The following PLSCR4 variants were observed in gnomAD, a reference collection of about 807,000 sequenced individuals.
PLSCR4 encodes Ca(2+)-dependent phospholipid scramblase 4.
PLSCR4 carries 25 observed loss-of-function variants against 36.3 expected under a neutral mutation model. The observed-to-expected ratio is 0.69, with a 90% CI of 0.50 to 0.96. The LOEUF (loss-of-function observed/expected upper bound fraction) is 0.96. Among genes scored for constraint, PLSCR4 ranks in the 40% least tolerant of loss-of-function variants. PLSCR4 has a pLI of 0.00. For synonymous variants in PLSCR4, 122 were observed against 132.9 expected, an observed-to-expected ratio of 0.92 and a Z score of 0.56; for missense variants, 408 against 414.7, an observed-to-expected ratio of 0.98 and a Z score of 0.14.
intron 1 of PLSCR4, among the ~76,000 whole-genome samples, chr3:146,229,634 TTTATTTA>T (rs1170621807): frequency 0.018 from 2,619 of 147,826 alleles, 106 homozygotes; most frequent in African/African-American, 0.059. Flanking sequence ...TATTTATTTA[TTTATTTA>T]TGAGATGGAG....
chr3:146,195,274 G>T lies in PLSCR4; in HGVS notation c.795C>A (p.Ser265=), dbSNP rs34467190. 8,959 of 1,612,536 alleles carry T rather than the reference G, an allele frequency of 5.6e-3. 57 individuals carry two copies. The highest frequency in any genetic ancestry group is 0.02 in the Middle Eastern group (122 of 6,060). The change falls in exon 8 of 9, where the codon TCC becomes TCA. Residue 265 remains serine (S), a synonymous_variant. Transcript: ENST00000354952. ...TGCCGATGTTGGATATGCCATCAAG[G>T]GATTTGACCTGGAATGACAAGAATG... ...CGSDSVFEVK[S]LDGISNIGSI... is the part of the protein sequence containing the mutation.
chr3:146,208,394 C>G (rs1208643197), intron 3 of PLSCR4, among the ~76,000 whole-genome samples: 3 of 151,984 alleles, frequency 2.0e-5, no homozygotes, highest in Admixed American at 1.3e-4. Flanking sequence ...ACCAAAAACC[C>G]AAAAGCAAAT....
intron 4 of PLSCR4, among the ~76,000 whole-genome samples, chr3:146,205,078 A>T (rs1361191680): frequency 6.6e-6 from 1 of 152,050 alleles, no homozygotes; most frequent in Non-Finnish European, 1.5e-5. Context: ...AAGAGAAATG[A>T]CAGAACTCGA....
chr3:146,243,337 G>T (rs1405055015), intron 1 of PLSCR4, among the ~76,000 whole-genome samples: 1 of 151,786 alleles, frequency 6.6e-6, no homozygotes, highest in Non-Finnish European at 1.5e-5. Flanking sequence ...TCCTGACTAT[G>T]CTCCAAAACT....
chr3:146,200,952 A>T, intron 5 of PLSCR4, 83 bp downstream of exon 5: 1 of 855,644 alleles, frequency 1.2e-6, no homozygotes, highest in Non-Finnish European at 1.9e-6. Flanking sequence ...AACATGATCA[A>T]TATAAAGAAG....
chr3:146,212,649 G>A (rs572354277), intron 3 of PLSCR4, among the ~76,000 whole-genome samples: 24 of 152,068 alleles, frequency 1.6e-4, no homozygotes, highest in African/African-American at 5.5e-4. Context: ...ATAGGCTCAT[G>A]TCTTCTGCAA....
intron 1 of PLSCR4, among the ~76,000 whole-genome samples, chr3:146,244,511 A>G (rs1207708318): frequency 6.6e-6 from 1 of 152,050 alleles, no homozygotes; most frequent in Admixed American, 6.6e-5. Flanking sequence ...TTCTCACAAT[A>G]TTTCAGACTT....
intron 3 of PLSCR4, among the ~76,000 whole-genome samples, chr3:146,217,712 G>A (rs1192564547): frequency 6.6e-6 from 1 of 152,194 alleles, no homozygotes; most frequent in African/African-American, 2.4e-5. Context: ...GGCCTCCAGT[G>A]TATGGGAAGA....
intron 1 of PLSCR4, among the ~76,000 whole-genome samples, chr3:146,234,842 G>A (rs1011620662): frequency 1.3e-5 from 2 of 152,104 alleles, no homozygotes; most frequent in Non-Finnish European, 2.9e-5. Flanking sequence ...AGAGATGACT[G>A]CTCAGGTCTC....
chr3:146,218,059 G>C (rs1329126061), intron 3 of PLSCR4, among the ~76,000 whole-genome samples: 1 of 151,998 alleles, frequency 6.6e-6, no homozygotes, highest in Non-Finnish European at 1.5e-5. Context: ...CACAGTTTTT[G>C]ACAGAAACTG....
chr3:146,229,589 T>TTTATTC (rs1397021839), intron 1 of PLSCR4, among the ~76,000 whole-genome samples: 1 of 119,648 alleles, frequency 8.4e-6, no homozygotes, highest in South Asian at 2.7e-4. Context: ...TCATTTTATT[T>TTTATTC]TTCATTTATT....
intron 3 of PLSCR4, among the ~76,000 whole-genome samples, chr3:146,215,193 AAT>A (rs2034835348): frequency 6.6e-6 from 1 of 152,034 alleles, no homozygotes; most frequent in African/African-American, 2.4e-5. Flanking sequence ...AATTTTTGAA[AAT>A]ATAGTCAACT....
intron 4 of PLSCR4, among the ~76,000 whole-genome samples, chr3:146,202,287 T>G (rs895133125): frequency 1.1e-4 from 16 of 152,034 alleles, no homozygotes; most frequent in Admixed American, 3.9e-4. Flanking sequence ...CTGAAGATAC[T>G]ACAAGTTTGG....
chr3:146,221,029 A>G (rs1256543596), intron 2 of PLSCR4, 104 bp from the exon 3 acceptor site: 1 of 635,368 alleles, frequency 1.6e-6, no homozygotes, highest in Non-Finnish European at 2.7e-6. Flanking sequence ...AAATATAATC[A>G]ACTGGAAAAT....
chr3:146,225,745 G>C (rs1006001973), intron 1 of PLSCR4, among the ~76,000 whole-genome samples: 2 of 152,186 alleles, frequency 1.3e-5, no homozygotes, highest in Non-Finnish European at 2.9e-5. Context: ...CCGCCAAGCC[G>C]ACGCCCACCC....
intron 8 of PLSCR4, 98 bp downstream of exon 8, chr3:146,195,026 T>C (rs557259221): frequency 9.0e-6 from 9 of 995,874 alleles, no homozygotes; most frequent in East Asian, 5.1e-5. Flanking sequence ...CAGAGATAAG[T>C]TGGATTGGTT....
chr3:146,232,329 T>G (rs2035745065), intron 1 of PLSCR4, among the ~76,000 whole-genome samples: 1 of 152,200 alleles, frequency 6.6e-6, no homozygotes, highest in Non-Finnish European at 1.5e-5. Flanking sequence ...TTTGCACTCC[T>G]TTTGTTCCAT....
At position 146,194,334 on chromosome 3, in the gene PLSCR4, C is replaced by G; in HGVS notation, c.*77G>C. ...AGCAAAGAAATACACTTGCAAATAACTGAGTGCTGACTGTAAGCCCAATCC... is the reference window on the plus strand; with the variant it reads ...AGCAAAGAAATACACTTGCAAATAAGTGAGTGCTGACTGTAAGCCCAATCC... On this transcript the variant is annotated 3_prime_UTR_variant, in exon 9 of 9. Coordinates refer to ENST00000354952, the MANE Select transcript of PLSCR4 (RefSeq NM_020353.3). 4.3e-6 allele frequency: 4 copies of G among 927,532 alleles called. No homozygotes were observed. The highest frequency in any genetic ancestry group is 4.1e-5 in the South Asian group (3 of 73,722). The allele number at this position is 927,532 out of a possible 1,614,324, so 57.5% of individuals were successfully genotyped here.
intron 1 of PLSCR4, among the ~76,000 whole-genome samples, chr3:146,225,783 C>G (rs1030673539): frequency 1.3e-5 from 2 of 152,204 alleles, no homozygotes; most frequent in African/African-American, 2.4e-5. Context: ...GCAAGCGCCG[C>G]ACGCGGTTGC....
Sources: allele counts gnomAD v4.1 joint callset (sites outside exome capture counted in the v4.1 genomes callset), GRCh38; gene constraint gnomAD v4.1.1; transcripts MANE v1.5; gene names NCBI Gene and HGNC (gene_info 2026-07-23, HGNC 2026-07-21).